ERBB4: variants seen among roughly 807,000 people sequenced by gnomAD.
The protein encoded by ERBB4 is receptor tyrosine-protein kinase erbB-4.
A neutral mutation model predicts 158.0 loss-of-function variants in ERBB4; 42 were observed. The ratio of observed to expected loss-of-function variants is 0.27; its 90% confidence interval spans 0.21 to 0.34. The LOEUF is 0.34. Ranked by LOEUF, ERBB4 falls within the 10% of genes least tolerant of loss-of-function variation. The pLI is 1.00. For missense variants in ERBB4, 1,333 were observed against 1,624.1 expected, an observed-to-expected ratio of 0.82 and a Z score of 3.08; for synonymous variants, 583 against 558.7, an observed-to-expected ratio of 1.04 and a Z score of -0.61.
intron 20 of ERBB4, among the ~76,000 whole-genome samples, chr2:211,491,819 A>T (rs912064496): frequency 6.6e-6 from 1 of 152,026 alleles, no homozygotes; most frequent in Non-Finnish European, 1.5e-5. Context: ...TCCCCACATC[A>T]TTTCTGCCTC....
At chr2:212,321,830 C>T (rs371701772) in intron 1 of ERBB4, among the ~76,000 whole-genome samples, 9 of 150,346 alleles carry the variant, frequency 6.0e-5, no homozygotes, top group East Asian at 3.9e-4. Context: ...TTAGATGTCT[C>T]GGTATCATTC....
chr2:212,373,940 C>CAT (rs1221857488), intron 1 of ERBB4, among the ~76,000 whole-genome samples: 1 of 60,734 alleles, frequency 1.6e-5, no homozygotes, highest in African/African-American at 1.0e-4. Flanking sequence ...CATATATATC[C>CAT]ATATATATAT....
chr2:211,666,857 A>G lies in ERBB4; in HGVS notation c.1717-1380T>C, dbSNP rs113147221. Among the ~76,000 whole-genome samples, 1,113 of 152,336 alleles carry G rather than the reference A, an allele frequency of 7.3e-3. 6 individuals carry two copies. The highest frequency in any genetic ancestry group is 0.012 in the Non-Finnish European group (833 of 68,016). ...CAACTTAAATAAATAAGATATAGTAAGCATACAGAGAGACAATTCTATCAC... is the reference window on the plus strand; with the variant it reads ...CAACTTAAATAAATAAGATATAGTAGGCATACAGAGAGACAATTCTATCAC... On this transcript the variant is annotated intron_variant, in intron 14 of 27. Coordinates refer to ENST00000342788, the MANE Select transcript of ERBB4 (RefSeq NM_005235.3).
chr2:212,523,920 C>T (rs1692308554), intron 1 of ERBB4, among the ~76,000 whole-genome samples: 1 of 151,950 alleles, frequency 6.6e-6, no homozygotes, highest in South Asian at 2.1e-4. Context: ...GGAGAAACTC[C>T]TTGATGGTGT....
In ERBB4 at chr2:212,331,058, G is replaced by GTATATATA; in HGVS notation, c.83-206163_83-206156dup. Among the ~76,000 whole-genome samples the GTATATATA allele has an allele frequency of 4.2e-3, 233 of 55,966 alleles. 3 individuals are homozygous for GTATATATA. The highest frequency in any genetic ancestry group is 6.8e-3 in the Non-Finnish European group (141 of 20,882). 36.7% of individuals were successfully genotyped at this position (55,966 alleles called of 152,430 possible). A position where few individuals can be genotyped will look rare whatever the true frequency, so the allele number is the denominator to read the frequency against. ...AGTAAGTTTCCCATATTTGTAATTTGTATATATATATATACACATATATAT... is the reference window on the plus strand; with the variant it reads ...AGTAAGTTTCCCATATTTGTAATTTGTATATATATATATATATATATACACATATATAT... On this transcript the variant is annotated intron_variant, in intron 1 of 27. Coordinates refer to ENST00000342788, the MANE Select transcript of ERBB4 (RefSeq NM_005235.3).
intron 1 of ERBB4, among the ~76,000 whole-genome samples, chr2:212,132,988 TG>T (rs2080153406): frequency 6.6e-6 from 1 of 152,218 alleles, no homozygotes; most frequent in African/African-American, 2.4e-5. Flanking sequence ...CCACCTAACA[TG>T]ATACAACTAT....
intron 2 of ERBB4, among the ~76,000 whole-genome samples, chr2:212,052,125 T>A (rs1289688728): frequency 6.6e-6 from 1 of 152,192 alleles, no homozygotes; most frequent in East Asian, 1.9e-4. Flanking sequence ...CAGCTGCCAA[T>A]GCAGCTAGAA....
chr2:212,379,830 T>C (rs753630340), intron 1 of ERBB4, among the ~76,000 whole-genome samples: 4 of 151,414 alleles, frequency 2.6e-5, no homozygotes, highest in Non-Finnish European at 4.4e-5. Context: ...TGTGTGTGTG[T>C]GTCTGTGTGT....
intron 25 of ERBB4, among the ~76,000 whole-genome samples, chr2:211,392,103 T>C (rs1305849459): frequency 5.3e-5 from 8 of 152,212 alleles, no homozygotes; most frequent in African/African-American, 1.9e-4. Flanking sequence ...ATAGTAACTA[T>C]TAAAGGTTCT....
chr2:212,061,564 T>C (rs1415270688), intron 2 of ERBB4, among the ~76,000 whole-genome samples: 2 of 150,696 alleles, frequency 1.3e-5, no homozygotes, highest in East Asian at 3.9e-4. Context: ...AATACCCATT[T>C]AAATATCCAT....
At chr2:211,385,510 G>A (rs569009254) in intron 27 of ERBB4, among the ~76,000 whole-genome samples, 17 of 152,216 alleles carry the variant, frequency 1.1e-4, no homozygotes, top group Admixed American at 7.2e-4. Flanking sequence ...AATTTGACAA[G>A]TGTATGAAAA....
At chr2:212,337,657 C>T (rs2088508664) in intron 1 of ERBB4, among the ~76,000 whole-genome samples, 3 of 152,058 alleles carry the variant, frequency 2.0e-5, no homozygotes, top group South Asian at 4.1e-4. Flanking sequence ...TGGCAAATAC[C>T]TCTCGCATAT....
intron 2 of ERBB4, among the ~76,000 whole-genome samples, chr2:212,086,358 C>CA (rs76096908): frequency 0.17 from 22,186 of 127,862 alleles, 2,082 homozygotes; most frequent in Non-Finnish European, 0.24. Context: ...TTCTCCCCAC[C>CA]AAAAAAAAAA....
At chr2:211,665,086 G>A (rs1012743227) in intron 15 of ERBB4, among the ~76,000 whole-genome samples, 1 of 152,168 alleles carries the variant, frequency 6.6e-6, no homozygotes, top group Non-Finnish European at 1.5e-5. Flanking sequence ...ACACTAGCTA[G>A]CTTCATGAAG....
At chr2:212,344,016 G>C (rs1267661988) in intron 1 of ERBB4, among the ~76,000 whole-genome samples, 1 of 151,926 alleles carries the variant, frequency 6.6e-6, no homozygotes, top group Non-Finnish European at 1.5e-5. Context: ...GTCTTCCAGA[G>C]AATAAAGAAT....
intron 2 of ERBB4, among the ~76,000 whole-genome samples, chr2:211,969,625 C>G (rs982318297): frequency 2.6e-5 from 4 of 151,932 alleles, no homozygotes; most frequent in African/African-American, 9.7e-5. Context: ...GAAGGGTGCT[C>G]TTTATGCACA....
intron 1 of ERBB4, among the ~76,000 whole-genome samples, chr2:212,125,451 C>G (rs115409577): frequency 6.6e-6 from 1 of 152,088 alleles, no homozygotes; most frequent in East Asian, 1.9e-4. Context: ...GGGGTACATA[C>G]GCAGGCTTGT....
intron 20 of ERBB4, among the ~76,000 whole-genome samples, chr2:211,548,664 C>T (rs1007748534): frequency 6.6e-6 from 1 of 151,972 alleles, no homozygotes. Context: ...CACCAAGAAC[C>T]GTGACCTTAC....
chr2:212,246,061 G>A (rs946955355), intron 1 of ERBB4, among the ~76,000 whole-genome samples: 13 of 152,046 alleles, frequency 8.6e-5, no homozygotes, highest in Non-Finnish European at 1.5e-4. Context: ...ATCCTCTATG[G>A]GAGCCGGCTT....
Sources: gnomAD v4.1 joint callset for allele counts (sites outside exome capture counted in the v4.1 genomes callset) on GRCh38, gnomAD v4.1.1 for gene constraint, MANE v1.5 for transcripts, NCBI Gene and HGNC (gene_info 2026-07-23, HGNC 2026-07-21) for gene names.